CALN1: variants seen among roughly 807,000 people sequenced by gnomAD.
CALN1 encodes the protein calcium-binding protein 8.
Under a neutral mutation model 30.6 loss-of-function variants are expected in CALN1, and 17 were observed. The ratio of observed to expected loss-of-function variants is 0.56; its 90% CI spans 0.38 to 0.83. The LOEUF is 0.83. Ranked by LOEUF, CALN1 falls within the 40% of genes least tolerant of loss-of-function variation. The pLI, the probability that CALN1 is intolerant of heterozygous loss-of-function variation, is 0.00. For synonymous variants in CALN1, 156 were observed against 131.4 expected, an observed-to-expected ratio of 1.19 and a Z score of -1.28; for missense variants, 291 against 354.9, an observed-to-expected ratio of 0.82 and a Z score of 1.45.
At chr7:72,344,786 A>T (rs932325538) in intron 2 of CALN1, among the ~76,000 whole-genome samples, 1 of 147,544 alleles carries the variant, frequency 6.8e-6, no homozygotes, top group Admixed American at 6.8e-5. Flanking sequence ...TTCAAAACGT[A>T]TATTAACCAG....
At chr7:71,933,235 A>T (rs544925873) in intron 5 of CALN1, among the ~76,000 whole-genome samples, 1 of 152,096 alleles carries the variant, frequency 6.6e-6, no homozygotes, top group Non-Finnish European at 1.5e-5. Flanking sequence ...TAAGTGGGAA[A>T]CCCATTTGCA....
chr7:71,967,702 T>G (rs1306312557), intron 5 of CALN1, among the ~76,000 whole-genome samples: 2 of 150,576 alleles, frequency 1.3e-5, no homozygotes, highest in Non-Finnish European at 3.0e-5. Flanking sequence ...TAAAGAACTT[T>G]CAAACTCAAT....
At chr7:72,302,251 G>A (rs959052847) in intron 2 of CALN1, among the ~76,000 whole-genome samples, 28 of 152,054 alleles carry the variant, frequency 1.8e-4, no homozygotes, top group Non-Finnish European at 3.5e-4. Flanking sequence ...TGCTATATGG[G>A]ATAAATGAAA....
At chr7:71,847,469 G>T (rs1790331011) in intron 5 of CALN1, among the ~76,000 whole-genome samples, 1 of 151,770 alleles carries the variant, frequency 6.6e-6, no homozygotes, top group South Asian at 2.1e-4. Context: ...GGCCAACATG[G>T]TGAAACCCCA....
chr7:72,110,880 C>T (rs1393284116), intron 3 of CALN1, among the ~76,000 whole-genome samples: 1 of 151,922 alleles, frequency 6.6e-6, no homozygotes, highest in Non-Finnish European at 1.5e-5. Flanking sequence ...CCCGTAAAAC[C>T]CACGGAGACA....
chr7:72,252,649 G>A (rs1795640457), intron 3 of CALN1, among the ~76,000 whole-genome samples: 1 of 151,112 alleles, frequency 6.6e-6, no homozygotes, highest in Non-Finnish European at 1.5e-5. Flanking sequence ...AGGGAGGGAG[G>A]GACGGAGATC....
chr7:71,885,600 T>G (rs1792855562), intron 5 of CALN1, among the ~76,000 whole-genome samples: 1 of 152,374 alleles, frequency 6.6e-6, no homozygotes, highest in South Asian at 2.1e-4. Context: ...AATAAATCTC[T>G]TCTAATATTT....
chr7:72,337,320 G>A (rs1440096138), intron 2 of CALN1: 3 of 981,116 alleles, frequency 3.1e-6, no homozygotes, highest in Non-Finnish European at 3.6e-6. Flanking sequence ...CCGAGGGTCG[G>A]GGAGCCCCCA....
chr7:72,299,032 C>T lies in CALN1; in HGVS notation c.120-20222G>A, dbSNP rs563406473. Among the ~76,000 whole-genome samples the T allele has an allele frequency of 4.1e-4, 63 of 152,078 alleles. 1 individual carries two copies. In the Middle Eastern group the frequency reaches 0.014, roughly 33 times the overall value. On this transcript the variant is annotated intron_variant, in intron 2 of 6. Transcript: ENST00000395275. The stretch of plus-strand genomic sequence containing the variant: ...AGCTTGAAAATGAACTAATACAATC[C>T]CCCTAACCAGGCACTTGTGTCACAA...
At chr7:72,034,225 G>A (rs1302631626) in intron 4 of CALN1, among the ~76,000 whole-genome samples, 1 of 151,786 alleles carries the variant, frequency 6.6e-6, no homozygotes, top group African/African-American at 2.4e-5. Flanking sequence ...GTGGTGGCGG[G>A]CGCCTGTAGT....
intron 4 of CALN1, among the ~76,000 whole-genome samples, chr7:72,048,709 T>C (rs963530765): frequency 5.3e-5 from 8 of 150,914 alleles, no homozygotes; most frequent in African/African-American, 2.0e-4. Context: ...CTCCCTTCTT[T>C]CCTTTTTCCC....
At chr7:72,106,734 A>G (rs1015887138) in intron 3 of CALN1, among the ~76,000 whole-genome samples, 60 of 45,778 alleles carry the variant, frequency 1.3e-3, no homozygotes, top group Admixed American at 2.0e-3. Flanking sequence ...GGGAGGGAGG[A>G]AGGGAGGGAG....
At chr7:72,069,486 T>G (rs1012125484) in intron 4 of CALN1, among the ~76,000 whole-genome samples, 5 of 152,084 alleles carry the variant, frequency 3.3e-5, no homozygotes, top group Non-Finnish European at 7.4e-5. Context: ...ATAAATTCTT[T>G]GCCTCTTCCA....
At chr7:71,830,020 CATGAGT>C (rs1562818621) in intron 5 of CALN1, among the ~76,000 whole-genome samples, 3 of 146,256 alleles carry the variant, frequency 2.1e-5, no homozygotes, top group African/African-American at 7.6e-5. Context: ...TGTATGTGTG[CATGAGT>C]AAGTTCCTTT....
intron 2 of CALN1, among the ~76,000 whole-genome samples, chr7:72,308,375 GAGAGA>G (rs1562868308): frequency 2.5e-3 from 75 of 29,888 alleles, no homozygotes; most frequent in South Asian, 5.5e-3. Flanking sequence ...GGGGGGGGGA[GAGAGA>G]GAGAGAGAGA....
intron 2 of CALN1, among the ~76,000 whole-genome samples, chr7:72,360,684 T>C (rs1803521109): frequency 6.7e-6 from 1 of 148,712 alleles, no homozygotes; most frequent in Admixed American, 6.7e-5. Context: ...TGTATACATA[T>C]GTAACATGTA....
intron 1 of CALN1, among the ~76,000 whole-genome samples, chr7:72,420,859 C>G (rs1179036515): frequency 6.6e-6 from 1 of 152,022 alleles, no homozygotes; most frequent in Non-Finnish European, 1.5e-5. Flanking sequence ...AGTGATCCAC[C>G]CGCCTCAGCC....
chr7:72,207,535 G>C (rs940716875), intron 3 of CALN1, among the ~76,000 whole-genome samples: 14 of 152,164 alleles, frequency 9.2e-5, no homozygotes, highest in African/African-American at 3.1e-4. Context: ...AGGCTGGAGT[G>C]CAGTGGTGCA....
chr7:72,070,204 G>A (rs776045406), intron 4 of CALN1, among the ~76,000 whole-genome samples: 1 of 152,246 alleles, frequency 6.6e-6, no homozygotes. Flanking sequence ...AGGGAGGGCA[G>A]AGGAAGGTGA....
Sources: gnomAD v4.1 joint callset for allele counts (sites outside exome capture counted in the v4.1 genomes callset) on GRCh38, gnomAD v4.1.1 for gene constraint, MANE v1.5 for transcripts, NCBI Gene and HGNC (gene_info 2026-07-23, HGNC 2026-07-21) for gene names.